Variants in OXR1 observed in about 807,000 individuals in gnomAD.
The protein encoded by OXR1 is oxidation resistance 1.
Under a neutral mutation model 104.6 loss-of-function variants are expected in OXR1, and 41 were observed. The observed-to-expected ratio is 0.39, with a 90% CI of 0.31 to 0.51. The LOEUF is 0.51. OXR1 is among the 20% of genes least tolerant of loss of function. The pLI, the probability that OXR1 is intolerant of heterozygous loss-of-function variation, is 0.77. For synonymous variants in OXR1, 348 were observed against 348.4 expected, an observed-to-expected ratio of 1.00 and a Z score of 0.01; for missense variants, 955 against 1,031.9, an observed-to-expected ratio of 0.93 and a Z score of 1.02.
chr8:106,310,757 T>C (rs1218778719), intron 1 of OXR1, among the ~76,000 whole-genome samples: 3 of 152,224 alleles, frequency 2.0e-5, no homozygotes, highest in Non-Finnish European at 4.4e-5. Flanking sequence ...ACTCAATTAT[T>C]GAGAGGTGTG....
chr8:106,350,193 AGATCAAC>A (rs1360469739), intron 1 of OXR1, among the ~76,000 whole-genome samples: 1 of 152,186 alleles, frequency 6.6e-6, no homozygotes, highest in East Asian at 1.9e-4. Flanking sequence ...GGAGAAAATG[AGATCAAC>A]GCACAGGGAC....
At chr8:106,749,229 G>C (rs1421543792) in intron 16 of OXR1, among the ~76,000 whole-genome samples, 2 of 151,748 alleles carry the variant, frequency 1.3e-5, no homozygotes, top group African/African-American at 2.4e-5. Context: ...TGTAGTCCCA[G>C]CTATTTGGGA....
intron 2 of OXR1, among the ~76,000 whole-genome samples, chr8:106,449,806 G>A (rs930813569): frequency 6.6e-6 from 1 of 151,888 alleles, no homozygotes; most frequent in African/African-American, 2.4e-5. Context: ...TTACTTTTTT[G>A]TCTTTTAATT....
intron 1 of OXR1, among the ~76,000 whole-genome samples, chr8:106,346,107 A>C (rs77902297): frequency 2.6e-4 from 39 of 150,872 alleles, no homozygotes; most frequent in South Asian, 4.2e-4. Flanking sequence ...CACCCCCCCT[A>C]CCGCCGCCAG....
chr8:106,549,990 T>A (rs1237447631), intron 3 of OXR1, among the ~76,000 whole-genome samples: 1 of 152,232 alleles, frequency 6.6e-6, no homozygotes, highest in Non-Finnish European at 1.5e-5. Flanking sequence ...CTGCCTGGCA[T>A]TGTGCTAATA....
intron 4 of OXR1, among the ~76,000 whole-genome samples, chr8:106,680,436 A>G (rs545763143): frequency 6.6e-6 from 1 of 152,280 alleles, no homozygotes; most frequent in East Asian, 1.9e-4. Flanking sequence ...TGTCACTCAT[A>G]AATTCTAGAA....
intron 3 of OXR1, among the ~76,000 whole-genome samples, chr8:106,575,700 A>T (rs1406424885): frequency 3.2e-4 from 4 of 12,382 alleles, no homozygotes; most frequent in Admixed American, 1.3e-3. Context: ...AGAATATATT[A>T]AAAAAAAAAA....
chr8:106,535,205 C>G (rs529391989), intron 3 of OXR1, among the ~76,000 whole-genome samples: 6 of 152,102 alleles, frequency 3.9e-5, no homozygotes, highest in African/African-American at 1.4e-4. Flanking sequence ...CCTCGTAGCA[C>G]GAGGTTCTTG....
chr8:106,697,790 C>T lies in OXR1; in HGVS notation c.675+4913C>T, dbSNP rs924983345. The T allele has an allele frequency of 5.0e-6, 8 of 1,612,544 alleles. No homozygotes were observed. In the African/African-American group the frequency reaches 8.0e-5, roughly 16 times the overall value. On this transcript the variant is annotated intron_variant, in intron 7 of 16. Transcript: ENST00000517566. ...GAGGCCTGGATCTTCTTTACTGGGACCTGCCCCTTGGGGTACAGTGCATTA... is the reference window on the plus strand; with the variant it reads ...GAGGCCTGGATCTTCTTTACTGGGATCTGCCCCTTGGGGTACAGTGCATTA...
intron 2 of OXR1, among the ~76,000 whole-genome samples, chr8:106,448,315 G>A (rs1820115102): frequency 6.6e-6 from 1 of 152,106 alleles, no homozygotes. Context: ...CATTGCATAC[G>A]ATCCCTTTCA....
intron 3 of OXR1, among the ~76,000 whole-genome samples, chr8:106,564,505 A>C (rs1429947128): frequency 6.6e-6 from 1 of 150,890 alleles, no homozygotes; most frequent in East Asian, 1.9e-4. Flanking sequence ...CCTACCAACC[A>C]AAAAAAACCT....
At chr8:106,609,754 C>T (rs1424214285) in intron 3 of OXR1, among the ~76,000 whole-genome samples, 1 of 152,012 alleles carries the variant, frequency 6.6e-6, no homozygotes, top group Admixed American at 6.6e-5. Flanking sequence ...AGGAAATATA[C>T]ATTTCCTATT....
At chr8:106,420,045 C>T (rs1396249984) in intron 2 of OXR1, among the ~76,000 whole-genome samples, 5 of 151,794 alleles carry the variant, frequency 3.3e-5, no homozygotes, top group African/African-American at 4.8e-5. Context: ...AACTTGTGCT[C>T]AAAAATACCT....
Position 106,634,891 on chromosome 8 carries a change from C to T in OXR1, c.221-44319C>T, listed in dbSNP as rs546209386. Among the ~76,000 whole-genome samples the T allele has an allele frequency of 9.8e-4, 148 of 151,178 alleles. 1 individual carries two copies. The highest frequency in any genetic ancestry group is 7.7e-4 in the Non-Finnish European group (52 of 67,954). On this transcript the variant is annotated intron_variant, in intron 3 of 16. Transcript: ENST00000517566. ...CTTGCTAGTGTGGTCCACTTTGAGTCCAGCAACATTGGCACTACCTGGGAG... is the reference window on the plus strand; with the variant it reads ...CTTGCTAGTGTGGTCCACTTTGAGTTCAGCAACATTGGCACTACCTGGGAG...
chr8:106,418,532 C>T (rs1195897671), intron 2 of OXR1, among the ~76,000 whole-genome samples: 2 of 147,870 alleles, frequency 1.4e-5, no homozygotes, highest in East Asian at 4.8e-4. Context: ...GTTTGTTGGT[C>T]ATTTTTTTTT....
At chr8:106,312,634 C>T (rs974641008) in intron 1 of OXR1, among the ~76,000 whole-genome samples, 1 of 152,184 alleles carries the variant, frequency 6.6e-6, no homozygotes, top group Non-Finnish European at 1.5e-5. Flanking sequence ...CTCTCAGATC[C>T]AAGCTTGAAT....
At chr8:106,722,187 G>A (rs769615539) in intron 11 of OXR1, among the ~76,000 whole-genome samples, 1 of 152,034 alleles carries the variant, frequency 6.6e-6, no homozygotes, top group Non-Finnish European at 1.5e-5. Context: ...TATGTTAAAC[G>A]CACAAAACCC....
chr8:106,501,877 G>T (rs1052918684), intron 2 of OXR1, among the ~76,000 whole-genome samples: 1 of 152,278 alleles, frequency 6.6e-6, no homozygotes, highest in East Asian at 1.9e-4. Context: ...TAACCCTACA[G>T]ATAGAAAGAT....
intron 2 of OXR1, among the ~76,000 whole-genome samples, chr8:106,516,169 A>C (rs186739387): frequency 5.3e-5 from 8 of 152,040 alleles, no homozygotes; most frequent in Admixed American, 5.2e-4. Flanking sequence ...CTCCCTCATA[A>C]CTGCTCCCTC....
Sources: gnomAD v4.1 joint callset for allele counts (sites outside exome capture counted in the v4.1 genomes callset) on GRCh38, gnomAD v4.1.1 for gene constraint, MANE v1.5 for transcripts, NCBI Gene and HGNC (gene_info 2026-07-23, HGNC 2026-07-21) for gene names.